Variants in KDM2A observed in about 807,000 individuals in gnomAD.
KDM2A encodes lysine-specific demethylase 2A.
Under a neutral mutation model 137.3 loss-of-function variants are expected in KDM2A, and 3 were observed. The ratio of observed to expected loss-of-function variants is 0.02; its 90% CI spans 0.01 to 0.06. The LOEUF is 0.06. Ranked by LOEUF, KDM2A falls within the 10% of genes least tolerant of loss-of-function variation. The pLI is 1.00. For missense variants in KDM2A, 738 were observed against 1,510.6 expected, an observed-to-expected ratio of 0.49 and a Z score of 8.48; for synonymous variants, 512 against 541.5, an observed-to-expected ratio of 0.95 and a Z score of 0.76.
chr11:67,201,055 G>A (rs558549889), intron 5 of KDM2A, among the ~76,000 whole-genome samples: 32 of 151,992 alleles, frequency 2.1e-4, no homozygotes, highest in African/African-American at 6.8e-4. Context: ...TTAGCCGGGC[G>A]TGGTGGCGGG....
chr11:67,136,817 A>T (rs1487871697), intron 2 of KDM2A, among the ~76,000 whole-genome samples: 1 of 152,160 alleles, frequency 6.6e-6, no homozygotes, highest in Non-Finnish European at 1.5e-5. Context: ...GGCTTACAGT[A>T]ATGGATAAAA....
chr11:67,177,445 T>C (rs1856995056), intron 2 of KDM2A, among the ~76,000 whole-genome samples: 1 of 152,214 alleles, frequency 6.6e-6, no homozygotes, highest in Non-Finnish European at 1.5e-5. Context: ...AGCTTTTGTC[T>C]ACTAAAGTTT....
intron 6 of KDM2A, among the ~76,000 whole-genome samples, chr11:67,214,931 T>C (rs2136394013): frequency 6.6e-6 from 1 of 152,318 alleles, no homozygotes; most frequent in South Asian, 2.1e-4. Flanking sequence ...GGCCTAACTT[T>C]TGGCATCTTA....
chr11:67,245,924 G>A lies in KDM2A; in HGVS notation c.1834-61G>A. The A allele has an allele frequency of 6.3e-7, 1 of 1,585,102 alleles. No individual in the cohort carries two copies. Among genetic ancestry groups the A allele is most frequent in the South Asian group, 1.1e-5 (1 of 89,126 alleles). ...CAAATCTCCCATCTTCAGTTTAAGGGAAACTGAAATGATAAAGATCTGAGT... is the reference window on the plus strand; with the variant it reads ...CAAATCTCCCATCTTCAGTTTAAGGAAAACTGAAATGATAAAGATCTGAGT... On this transcript the variant is annotated intron_variant, in intron 14 of 20. Transcript: ENST00000529006. This position sits in a 1 kb window ranked among gnomAD's most constrained non-coding sequence, Gnocchi z 4.1.
intron 12 of KDM2A, among the ~76,000 whole-genome samples, chr11:67,239,754 A>G (rs1386902737): frequency 2.0e-5 from 3 of 152,250 alleles, no homozygotes; most frequent in African/African-American, 7.2e-5. Context: ...ATGTGGGCCA[A>G]GGTGCCTAGT....
chr11:67,160,371 G>C (rs1313302742), intron 2 of KDM2A, among the ~76,000 whole-genome samples: 1 of 152,176 alleles, frequency 6.6e-6, no homozygotes, highest in African/African-American at 2.4e-5. Context: ...TCTGAATGCT[G>C]CTTTGACCTA....
At chr11:67,162,184 C>T (rs1856651400) in intron 2 of KDM2A, among the ~76,000 whole-genome samples, 1 of 152,032 alleles carries the variant, frequency 6.6e-6, no homozygotes, top group South Asian at 2.1e-4. Flanking sequence ...TTCTGTTTCT[C>T]TTGGCTGTAT....
intron 2 of KDM2A, among the ~76,000 whole-genome samples, chr11:67,168,334 T>A (rs1856793043): frequency 6.6e-6 from 1 of 152,074 alleles, no homozygotes; most frequent in Non-Finnish European, 1.5e-5. Flanking sequence ...ACCCTCTGTG[T>A]TAGTTGTTCT....
At chr11:67,205,656 A>G (rs887526190) in intron 5 of KDM2A, among the ~76,000 whole-genome samples, 2 of 151,342 alleles carry the variant, frequency 1.3e-5, no homozygotes, top group African/African-American at 4.9e-5. Context: ...TTTTTTTTGT[A>G]TTTTTAGTAG....
At chr11:67,148,929 T>A (rs758483255) in intron 2 of KDM2A, 1 of 152,168 alleles carries the variant, frequency 6.6e-6, no homozygotes, top group African/African-American at 2.4e-5. Flanking sequence ...GGCGCATAGC[T>A]CAGCATTACA....
At position 67,216,034 on chromosome 11, in the gene KDM2A, G is replaced by A; in HGVS notation, c.687+85G>A. 3 of 967,474 alleles carry A rather than the reference G, an allele frequency of 3.1e-6. No individual in the cohort carries two copies. The South Asian group carries it at 3.9e-5, about 13-fold the overall frequency. The allele number at this position is 967,474 out of a possible 1,614,324, so 59.9% of individuals were successfully genotyped here. A position where few individuals can be genotyped will look rare whatever the true frequency, so the allele number is the denominator to read the frequency against. Reference sequence around the variant, plus strand: ...GTTCATGTATACTTAATATACCCTGGAAATGAATCTGTTAGGGAATTGTCC... The same window carrying A: ...GTTCATGTATACTTAATATACCCTGAAAATGAATCTGTTAGGGAATTGTCC... On this transcript the variant is annotated intron_variant, in intron 8 of 20. Coordinates refer to ENST00000529006, the MANE Select transcript of KDM2A (RefSeq NM_012308.3).
Position 67,121,311 on chromosome 11 carries a change from TGA to T in KDM2A, c.-1_1del. On this transcript the variant is annotated 5_prime_UTR_variant, in exon 2 of 21. Transcript: ENST00000529006. ...CTTTACAGTAATTTCAACAGAAGAG[TGA>T]GAGATGGAACCCGAAGAAGAAAGGA... 6.2e-7 allele frequency: 1 copy of T among 1,613,086 alleles called. No individual in the cohort carries two copies. The highest frequency in any genetic ancestry group is 1.1e-5 in the South Asian group (1 of 91,040).
chr11:67,177,901 A>ATG (rs1857004727), intron 2 of KDM2A, among the ~76,000 whole-genome samples: 1 of 152,214 alleles, frequency 6.6e-6, no homozygotes, highest in Non-Finnish European at 1.5e-5. Context: ...TGATGTCCTG[A>ATG]TGGCAACAGT....
chr11:67,247,077 T>TTTA (rs1859267785), intron 15 of KDM2A, among the ~76,000 whole-genome samples: 3 of 72,794 alleles, frequency 4.1e-5, no homozygotes, highest in African/African-American at 2.0e-4. Context: ...ATATATTTTT[T>TTTA]TTTTTTTTTT....
intron 2 of KDM2A, among the ~76,000 whole-genome samples, chr11:67,130,256 A>G (rs1267488659): frequency 3.9e-5 from 6 of 152,010 alleles, no homozygotes; most frequent in Non-Finnish European, 8.8e-5. Flanking sequence ...AGTCTGAGTC[A>G]CGGCACCTGA....
At chr11:67,126,396 C>A (rs557726025) in intron 2 of KDM2A, among the ~76,000 whole-genome samples, 1 of 151,800 alleles carries the variant, frequency 6.6e-6, no homozygotes, top group African/African-American at 2.4e-5. Context: ...GCAACATAGA[C>A]CCCCGTTTCT....
chr11:67,233,975 C>T (rs1009185223), intron 12 of KDM2A, among the ~76,000 whole-genome samples: 4 of 152,058 alleles, frequency 2.6e-5, no homozygotes, highest in African/African-American at 4.8e-5. Flanking sequence ...CTACACAGGC[C>T]GACAGTGTTT....
chr11:67,244,009 G>T (rs1859128751), intron 13 of KDM2A, among the ~76,000 whole-genome samples: 1 of 152,158 alleles, frequency 6.6e-6, no homozygotes, highest in African/African-American at 2.4e-5. Flanking sequence ...GCTTCTGTTT[G>T]TTGTTCCCTA....
At chr11:67,143,210 CG>C (rs1856158259) in intron 2 of KDM2A, 1 of 151,578 alleles carries the variant, frequency 6.6e-6, no homozygotes, top group Non-Finnish European at 1.5e-5. Context: ...TTAGTAGAGA[CG>C]GGGTTGGCTG....
Sources: gnomAD v4.1 joint callset for allele counts (sites outside exome capture counted in the v4.1 genomes callset) on GRCh38, gnomAD v4.1.1 for gene constraint, Gnocchi (gnomAD v3.1) non-coding constraint, MANE v1.5 for transcripts, NCBI Gene and HGNC (gene_info 2026-07-23, HGNC 2026-07-21) for gene names.